Variants in PKHD1L1 observed in about 807,000 individuals in gnomAD.
PKHD1L1 encodes the protein PKHD1 like 1, also known as fibrocystin-L.
In PKHD1L1, 434 loss-of-function variants were observed where a neutral mutation model predicts 462.9. The observed-to-expected ratio is 0.94, with a 90% CI of 0.87 to 1.02. PKHD1L1 has a LOEUF of 1.02. Among genes scored for constraint, PKHD1L1 ranks in the 50% least tolerant of loss-of-function variants. PKHD1L1 has a pLI of 0.00. For missense variants in PKHD1L1, 5,202 were observed against 5,096.1 expected (o/e 1.02, Z -0.63); for synonymous variants, 1,781 against 1,750.0 (o/e 1.02, Z -0.44).
chr8:109,454,379 G>C, intron 44 of PKHD1L1, 133 bp downstream of exon 44: 1 of 682,672 alleles, frequency 1.5e-6, no homozygotes, highest in South Asian at 2.9e-5. Context: ...TCTGTTATTG[G>C]TATAAAATCC....
chr8:109,526,774 T>G lies in PKHD1L1; in HGVS notation c.12485-10T>G. On this transcript the variant is annotated splice_polypyrimidine_tract_variant and intron_variant, in intron 76 of 77. Coordinates refer to ENST00000378402, the MANE Select transcript of PKHD1L1 (RefSeq NM_177531.6). ...AGGAAATCAAACACTATGATGCTTT[T>G]TTTTTCCAGGAAAAAATTATAAGAT... 1 of 1,543,604 alleles carries G rather than the reference T, an allele frequency of 6.5e-7. No individual in the cohort carries two copies. Among genetic ancestry groups the G allele is most frequent in the Non-Finnish European group, 8.8e-7 (1 of 1,141,462 alleles).
At chr8:109,449,638 T>G (rs1816371592) in intron 40 of PKHD1L1, among the ~76,000 whole-genome samples, 151 bp downstream of exon 40, 1 of 152,230 alleles carries the variant, frequency 6.6e-6, no homozygotes, top group Non-Finnish European at 1.5e-5. Flanking sequence ...CAGGACATTT[T>G]CTAGATTTAC....
chr8:109,478,751 G>A (rs990701328), intron 53 of PKHD1L1, among the ~76,000 whole-genome samples: 1 of 152,152 alleles, frequency 6.6e-6, no homozygotes, highest in Non-Finnish European at 1.5e-5. Context: ...GATTGCTCTA[G>A]GCCAGAATGT....
At chr8:109,506,332 C>T (rs1174922571) in intron 68 of PKHD1L1, among the ~76,000 whole-genome samples, 2 of 152,132 alleles carry the variant, frequency 1.3e-5, no homozygotes, top group Non-Finnish European at 2.9e-5. Flanking sequence ...TCCCTCCCAC[C>T]AGCCTGCAGT....
chr8:109,384,950 C>T (rs978929615), intron 5 of PKHD1L1, among the ~76,000 whole-genome samples: 4 of 151,692 alleles, frequency 2.6e-5, no homozygotes, highest in African/African-American at 4.8e-5. Context: ...GGATATTAAC[C>T]ATTTATATGT....
Position 109,477,236 on chromosome 8 carries a change from A to G in PKHD1L1, c.8929A>G (p.Asn2977Asp), listed in dbSNP as rs1285275964. Residue 2977 changes from asparagine to aspartate, a missense_variant, in exon 53 of 78, where the codon AAT (asparagine) becomes GAT (aspartate). Transcript: ENST00000378402. ...STLYYLVSGR[N>D]DLHQSQLISG... is the part of the protein sequence containing the mutation. ...TACTTCACTTTCAGTGTCAGGAAGA[A>G]ATGACCTTCATCAGAGTCAGCTCAT... 2 of 1,613,202 alleles carry G rather than the reference A, an allele frequency of 1.2e-6. No individual in the cohort carries two copies. Among genetic ancestry groups the G allele is most frequent in the Non-Finnish European group, 1.7e-6 (2 of 1,179,542 alleles).
Position 109,454,739 on chromosome 8 carries a change from C to A in PKHD1L1, c.6761C>A (p.Ser2254Tyr). Residue 2254 changes from serine (S) to tyrosine (Y), a missense_variant, in exon 45 of 78, where the codon TCC becomes TAC. Ser to Tyr is a moderately radical substitution (Grantham distance 144). Coordinates refer to ENST00000378402, the MANE Select transcript of PKHD1L1 (RefSeq NM_177531.6). ...CTTTTGCAGATTGGAACAGAGACATCCCCATTCCAACACAAGGCTGTCATT... is the reference window on the plus strand; with the variant it reads ...CTTTTGCAGATTGGAACAGAGACATACCCATTCCAACACAAGGCTGTCATT... The part of the protein sequence containing the change: ...GGVLQIGTET[S>Y]PFQHKAVITL... 1 of 1,613,626 alleles carries A rather than the reference C, an allele frequency of 6.2e-7. No homozygotes were observed. The highest frequency in any genetic ancestry group is 1.1e-5 in the South Asian group (1 of 91,036).
Position 109,391,528 on chromosome 8 carries a change from A to G in PKHD1L1, c.740+1034A>G, listed in dbSNP as rs528014723. Among the ~76,000 whole-genome samples the G allele has an allele frequency of 1.7e-3, 253 of 152,316 alleles. 2 individuals are homozygous for G. Among genetic ancestry groups the G allele is most frequent in the African/African-American group, 5.0e-3 (208 of 41,578 alleles). ...TTAATGGCCTTTAGTGGGCAGTATC[A>G]TGATGTGCCAAACCCAAATTAATTG... On this transcript the variant is annotated intron_variant, in intron 9 of 77. Coordinates refer to ENST00000378402, the MANE Select transcript of PKHD1L1 (RefSeq NM_177531.6).
At chr8:109,406,228 A>G in intron 16 of PKHD1L1, 107 bp from the exon 17 acceptor site, 1 of 1,091,836 alleles carries the variant, frequency 9.2e-7, no homozygotes, top group Non-Finnish European at 1.3e-6. Context: ...GGTACAGAGT[A>G]TAGGTGCTTT....
rs181300027 is a variant in PKHD1L1, at chr8:109,448,975, T to A, written c.6026-363T>A. On this transcript the variant is annotated intron_variant, in intron 39 of 77. Transcript: ENST00000378402. ...ATTAGTATCTTTTTTATTTAAAAAATTTTTTAGTTAAAAACCTTGAGAAAG... is the reference window on the plus strand; with the variant it reads ...ATTAGTATCTTTTTTATTTAAAAAAATTTTTAGTTAAAAACCTTGAGAAAG... 8.5e-3 allele frequency among the ~76,000 whole-genome samples: 1,295 copies of A among 152,238 alleles called. 23 individuals are homozygous for A. The highest frequency in any genetic ancestry group is 0.029 in the African/African-American group (1,216 of 41,554).
At chr8:109,475,086 C>G (rs1346742019) in intron 50 of PKHD1L1, 32 bp from the exon 51 acceptor site, 2 of 1,549,824 alleles carry the variant, frequency 1.3e-6, no homozygotes, top group East Asian at 4.6e-5. Context: ...GTAGAGATTA[C>G]TATTATTTTC....
intron 67 of PKHD1L1, among the ~76,000 whole-genome samples, chr8:109,502,984 T>G (rs1819503632): frequency 1.3e-5 from 2 of 152,140 alleles, no homozygotes. Flanking sequence ...GAGGGAACTC[T>G]CAAGTGGCTA....
intron 73 of PKHD1L1, among the ~76,000 whole-genome samples, chr8:109,519,501 T>C (rs1026080367): frequency 6.6e-6 from 1 of 152,096 alleles, no homozygotes; most frequent in African/African-American, 2.4e-5. Context: ...TACTGAACTT[T>C]CCTGGTCTTC....
rs1405366632 is a variant in PKHD1L1, at chr8:109,404,561, A to T, written c.1381A>T (p.Ile461Phe). Reference protein sequence around the residue: ...IHLQKGKEYYIEILLQEYRLS... With the variant: ...IHLQKGKEYYFEILLQEYRLS... ...AGTTACTCTATTTTCCAGATACTATATTGAAATCTTGCTGCAGGAGTACAG... is the reference window on the plus strand; with the variant it reads ...AGTTACTCTATTTTCCAGATACTATTTTGAAATCTTGCTGCAGGAGTACAG... Residue 461 changes from isoleucine (I) to phenylalanine (F), a missense_variant, in exon 15 of 78, where the codon ATT becomes TTT. By Grantham distance (21) the Ile-to-Phe change is conservative. Coordinates refer to ENST00000378402, the MANE Select transcript of PKHD1L1 (RefSeq NM_177531.6). 1.3e-6 allele frequency: 2 copies of T among 1,553,708 alleles called. No homozygotes were observed. Among genetic ancestry groups the T allele is most frequent in the Non-Finnish European group, 1.7e-6 (2 of 1,148,728 alleles).
intron 70 of PKHD1L1, 97 bp downstream of exon 70, chr8:109,508,361 G>C: frequency 7.8e-7 from 1 of 1,275,806 alleles, no homozygotes; most frequent in Non-Finnish European, 1.1e-6. Flanking sequence ...CACACAACTA[G>C]CAAACATCAG....
chr8:109,406,397 A>C lies in PKHD1L1; in HGVS notation c.1732A>C (p.Ile578Leu), dbSNP rs189377523. Residue 578 changes from isoleucine (I) to leucine (L), a missense_variant, in exon 17 of 78, where the codon ATA (isoleucine) becomes CTA (leucine). Transcript: ENST00000378402. ...LQSALNDLWS[I>L]KPDTVQVIRT... ...ATCAGCCTTGAATGACCTCTGGTCT[A>C]TAAAACCGGACACAGTTCAAGTAAT... 60 of 1,577,244 alleles carry C rather than the reference A, an allele frequency of 3.8e-5. 1 individual carries two copies. The East Asian group carries it at 1.4e-3, about 36-fold the overall frequency.
intron 58 of PKHD1L1, 61 bp downstream of exon 58, chr8:109,485,234 C>T: frequency 7.6e-7 from 1 of 1,317,856 alleles, no homozygotes; most frequent in Non-Finnish European, 1.0e-6. Context: ...CACATTTACT[C>T]TGTAATTATA....
chr8:109,476,784 TG>T (rs1818011055), intron 52 of PKHD1L1, 117 bp downstream of exon 52: 3 of 892,476 alleles, frequency 3.4e-6, no homozygotes, highest in Non-Finnish European at 4.8e-6. Context: ...ATCCAATAAA[TG>T]TTTGCTGAAT....
chr8:109,491,158 T>A (rs772451418), intron 61 of PKHD1L1, 57 bp downstream of exon 61: 170 of 1,525,292 alleles, frequency 1.1e-4, no homozygotes, highest in Non-Finnish European at 1.5e-4. Flanking sequence ...TTCTTATCTA[T>A]ATACTCTAGA....
Sources: gnomAD v4.1 joint callset for allele counts (sites outside exome capture counted in the v4.1 genomes callset) on GRCh38, gnomAD v4.1.1 for gene constraint, MANE v1.5 for transcripts, NCBI Gene and HGNC (gene_info 2026-07-23, HGNC 2026-07-21) for gene names.